The following BPTF variants were observed in gnomAD, a reference collection of about 807,000 sequenced individuals.
BPTF encodes the protein nucleosome-remodeling factor subunit BPTF.
In BPTF, 18 loss-of-function variants were observed where a neutral mutation model predicts 292.5. That is an observed-to-expected ratio of 0.06 (90% confidence interval 0.04 to 0.09). BPTF has a LOEUF of 0.09. Among genes scored for constraint, BPTF ranks in the 10% least tolerant of loss-of-function variants. The pLI, the probability that BPTF is intolerant of heterozygous loss-of-function variation, is 1.00. For synonymous variants in BPTF, 1,225 were observed against 1,251.9 expected, an observed-to-expected ratio of 0.98 and a Z score of 0.45; for missense variants, 2,726 against 3,498.7, an observed-to-expected ratio of 0.78 and a Z score of 5.57.
intron 1 of BPTF, among the ~76,000 whole-genome samples, chr17:67,826,941 GTGTT>G (rs1208682459): frequency 6.6e-6 from 1 of 152,136 alleles, no homozygotes; most frequent in Non-Finnish European, 1.5e-5. Context: ...CTGGTCCTGT[GTGTT>G]TGTTTTTATT....
At chr17:67,871,976 C>A (rs1476498689) in intron 3 of BPTF, among the ~76,000 whole-genome samples, 3 of 152,080 alleles carry the variant, frequency 2.0e-5, no homozygotes, top group Admixed American at 6.6e-5. Context: ...CAGGCGTGTG[C>A]CACCACACCT....
chr17:67,857,512 T>C (rs1366430612), intron 2 of BPTF, among the ~76,000 whole-genome samples: 1 of 149,644 alleles, frequency 6.7e-6, no homozygotes, highest in African/African-American at 2.5e-5. Flanking sequence ...TCACCCAGGC[T>C]CTGGAGTGCA....
intron 4 of BPTF, among the ~76,000 whole-genome samples, chr17:67,884,635 C>T (rs1045715027): frequency 2.0e-5 from 3 of 151,980 alleles, no homozygotes; most frequent in Admixed American, 6.6e-5. Flanking sequence ...AGGCTGGTCT[C>T]GAACCCCTGA....
At chr17:67,896,038 A>G (rs568143967) in intron 7 of BPTF, among the ~76,000 whole-genome samples, 1 of 146,920 alleles carries the variant, frequency 6.8e-6, no homozygotes, top group East Asian at 2.0e-4. Flanking sequence ...ATCTCGGCTC[A>G]CTGCAGCTCC....
intron 3 of BPTF, among the ~76,000 whole-genome samples, chr17:67,872,036 G>A (rs1437454602): frequency 6.6e-6 from 1 of 152,036 alleles, no homozygotes; most frequent in Non-Finnish European, 1.5e-5. Flanking sequence ...ATGTTGGTCA[G>A]ACTGGTCTCA....
intron 4 of BPTF, among the ~76,000 whole-genome samples, chr17:67,880,140 G>T (rs965421471): frequency 6.6e-6 from 1 of 151,114 alleles, no homozygotes; most frequent in Non-Finnish European, 1.5e-5. Context: ...GTCTATACTC[G>T]CTCTATTTTT....
chr17:67,900,092 G>A (rs1410284831), intron 7 of BPTF, among the ~76,000 whole-genome samples: 1 of 152,028 alleles, frequency 6.6e-6, no homozygotes, highest in Non-Finnish European at 1.5e-5. Context: ...GAATAATTGT[G>A]TGTGTGCGCA....
Position 67,854,894 on chromosome 17 carries a change from TTTC to T in BPTF, c.1436+135_1436+137del. 1 of 663,286 alleles carries T rather than the reference TTTC, an allele frequency of 1.5e-6. No homozygotes were observed. The allele number at this position is 663,286 out of a possible 1,614,324, so 41.1% of individuals were successfully genotyped here. ...ACTTAATAGTTATACAGTTAAATAA[TTTC>T]TTAATTGAAGGAATATGTGCATTAA... On this transcript the variant is annotated intron_variant, in intron 2 of 27. Transcript: ENST00000306378. This position sits in a 1 kb window ranked among gnomAD's most constrained non-coding sequence, Gnocchi z 5.6.
chr17:67,881,095 TGTA>T (rs2060373226), intron 4 of BPTF, among the ~76,000 whole-genome samples: 1 of 151,980 alleles, frequency 6.6e-6, no homozygotes, highest in African/African-American at 2.4e-5. Context: ...ATGACAAAAT[TGTA>T]GTATAAAAAA....
At chr17:67,906,280 T>C (rs1456716211) in intron 9 of BPTF, among the ~76,000 whole-genome samples, 4 of 152,036 alleles carry the variant, frequency 2.6e-5, no homozygotes, top group South Asian at 2.1e-4. Flanking sequence ...AGGGTTTCAC[T>C]ATGTTGGCCA....
At chr17:67,961,594 C>G (rs1555684072) in intron 24 of BPTF, among the ~76,000 whole-genome samples, 1 of 152,184 alleles carries the variant, frequency 6.6e-6, no homozygotes, top group Non-Finnish European at 1.5e-5. Context: ...TACCTGTAAT[C>G]TCAGCACTTT....
At chr17:67,907,059 C>T (rs1450359749) in intron 9 of BPTF, among the ~76,000 whole-genome samples, 1 of 151,834 alleles carries the variant, frequency 6.6e-6, no homozygotes, top group Non-Finnish European at 1.5e-5. Context: ...TTGGTACACA[C>T]CTGTATTCCC....
chr17:67,936,768 C>G (rs1005333272), intron 18 of BPTF: 2 of 152,138 alleles, frequency 1.3e-5, no homozygotes, highest in African/African-American at 2.4e-5. Flanking sequence ...ATCATTGACT[C>G]TGTGCCAGGG....
intron 1 of BPTF, 23 bp from the exon 2 acceptor site, chr17:67,853,917 T>C (rs770400803): frequency 1.9e-6 from 3 of 1,566,086 alleles, no homozygotes; most frequent in Middle Eastern, 1.7e-4. Flanking sequence ...TGATTTGTAA[T>C]GATGTCACGT....
chr17:67,895,764 G>A (rs1003868644), intron 7 of BPTF, among the ~76,000 whole-genome samples: 20 of 152,180 alleles, frequency 1.3e-4, no homozygotes, highest in African/African-American at 4.8e-4. Flanking sequence ...TGATAAGAGT[G>A]CAATTAGTAC....
In BPTF at chr17:67,911,815, A is replaced by T; in HGVS notation, c.3931A>T (p.Ser1311Cys). 1 of 1,614,226 alleles carries T rather than the reference A, an allele frequency of 6.2e-7. No individual in the cohort carries two copies. The highest frequency in any genetic ancestry group is 8.5e-7 in the Non-Finnish European group (1 of 1,180,022). Residue 1311 changes from serine to cysteine, a missense_variant, in exon 11 of 28, where the codon AGC becomes TGC. Transcript: ENST00000306378. ...SSEEDMIVQN[S>C]NESISEQFRT... is the part of the protein sequence containing the mutation. ...TGAAGAAGATATGATTGTTCAGAAT[A>T]GCAATGAAAGCATTTCTGAACAGTT...
Position 67,912,927 on chromosome 17 carries a change from G to A in BPTF, c.5043G>A (p.Glu1681=). The A allele has an allele frequency of 6.2e-7, 1 of 1,614,180 alleles. No homozygotes were observed. The highest frequency in any genetic ancestry group is 8.5e-7 in the Non-Finnish European group (1 of 1,180,036). Residue 1681 remains glutamate (E), a synonymous_variant, in exon 11 of 28, where the codon GAG becomes GAA. Coordinates refer to ENST00000306378, the MANE Select transcript of BPTF (RefSeq NM_182641.4). The part of the protein sequence containing the change: ...TLVTSMTVSK[E]YSTRDKVKLM... ...TTACATCTATGACTGTGAGCAAAGAGTATTCCACACGAGACAAAGTGAAAC... is the reference window on the plus strand; with the variant it reads ...TTACATCTATGACTGTGAGCAAAGAATATTCCACACGAGACAAAGTGAAAC...
chr17:67,931,584 C>T (rs1253864762), intron 17 of BPTF, among the ~76,000 whole-genome samples: 1 of 152,204 alleles, frequency 6.6e-6, no homozygotes, highest in Non-Finnish European at 1.5e-5. Flanking sequence ...CTGGAGCTTA[C>T]AGAAAGTGCG....
intron 11 of BPTF, among the ~76,000 whole-genome samples, chr17:67,916,448 G>A (rs1184545113): frequency 6.6e-6 from 1 of 152,078 alleles, no homozygotes; most frequent in Non-Finnish European, 1.5e-5. Context: ...AAATGAGCCC[G>A]GCGTGGTGGC....
Sources: allele counts gnomAD v4.1 joint callset (sites outside exome capture counted in the v4.1 genomes callset), GRCh38; gene constraint gnomAD v4.1.1; non-coding constraint Gnocchi (gnomAD v3.1); transcripts MANE v1.5; gene names NCBI Gene and HGNC (gene_info 2026-07-23, HGNC 2026-07-21).